Variants in EYA2 observed in about 807,000 individuals in gnomAD.
EYA2 encodes protein phosphatase EYA2.
A neutral mutation model predicts 69.2 loss-of-function variants in EYA2; 31 were observed. The ratio of observed to expected loss-of-function variants is 0.45; its 90% CI spans 0.34 to 0.60. EYA2 has a LOEUF of 0.60. Ranked by LOEUF, EYA2 falls within the 20% of genes least tolerant of loss-of-function variation. EYA2 has a pLI of 0.02. For synonymous variants in EYA2, 257 were observed against 279.4 expected, an observed-to-expected ratio of 0.92 and a Z score of 0.80; for missense variants, 622 against 701.2, an observed-to-expected ratio of 0.89 and a Z score of 1.28.
chr20:47,069,742 C>A (rs2031242195), intron 5 of EYA2, among the ~76,000 whole-genome samples: 1 of 151,892 alleles, frequency 6.6e-6, no homozygotes, highest in African/African-American at 2.4e-5. Flanking sequence ...CTACTGTGTA[C>A]CCACAAAAAT....
chr20:46,968,287 A>G (rs1331247335), intron 1 of EYA2, among the ~76,000 whole-genome samples: 1 of 152,176 alleles, frequency 6.6e-6, no homozygotes, highest in African/African-American at 2.4e-5. Context: ...TCATATCTGC[A>G]CCTTTTACTG....
intron 14 of EYA2, among the ~76,000 whole-genome samples, chr20:47,182,432 C>T (rs2034555079): frequency 6.7e-6 from 1 of 148,366 alleles, no homozygotes; most frequent in African/African-American, 2.5e-5. Context: ...AGTTCAAGAC[C>T]AGCCTGACCG....
At chr20:46,916,206 C>T (rs1984894607) in intron 1 of EYA2, among the ~76,000 whole-genome samples, 2 of 152,162 alleles carry the variant, frequency 1.3e-5, no homozygotes, top group African/African-American at 4.8e-5. Context: ...TTTTTTAAGG[C>T]AGCATTAAAC....
chr20:47,149,269 C>T (rs1236175860), intron 10 of EYA2, among the ~76,000 whole-genome samples: 1 of 151,910 alleles, frequency 6.6e-6, no homozygotes, highest in Non-Finnish European at 1.5e-5. Flanking sequence ...GCAAAGGTAC[C>T]TATAAACAAA....
At position 47,117,524 on chromosome 20, in the gene EYA2, G is replaced by C. The variant is rs80299451; in HGVS notation, c.888+20356G>C. On this transcript the variant is annotated intron_variant, in intron 9 of 15. Transcript: ENST00000327619. Reference sequence around the variant, plus strand: ...CCGATTCCTCCGCGGGTGTTATTACGTGATTCCGGCTTGGATTCCGGAATC... The same window carrying C: ...CCGATTCCTCCGCGGGTGTTATTACCTGATTCCGGCTTGGATTCCGGAATC... 26 of 985,328 alleles carry C rather than the reference G, an allele frequency of 2.6e-5. 1 individual carries two copies. In the East Asian group the frequency reaches 3.0e-3, roughly 112 times the overall value. 61.0% of individuals were successfully genotyped at this position (985,328 alleles called of 1,614,324 possible).
At chr20:47,002,297 C>G (rs1568716577) in intron 3 of EYA2, among the ~76,000 whole-genome samples, 1 of 152,084 alleles carries the variant, frequency 6.6e-6, no homozygotes. Flanking sequence ...ACCTGTCAAC[C>G]CATCACCTAG....
intron 1 of EYA2, among the ~76,000 whole-genome samples, chr20:46,923,710 GGA>G (rs139897049): frequency 5.9e-5 from 9 of 151,790 alleles, no homozygotes; most frequent in South Asian, 2.1e-4. Flanking sequence ...GTGTGTGTGT[GGA>G]GAGAGAGAGA....
intron 1 of EYA2, among the ~76,000 whole-genome samples, chr20:46,933,223 C>T (rs911615142): frequency 2.0e-5 from 3 of 152,314 alleles, no homozygotes; most frequent in Middle Eastern, 3.4e-3. Context: ...AAAAGGCAGA[C>T]TAGGTGCTTG....
At chr20:47,039,834 A>ATTT (rs1984938081) in intron 5 of EYA2, among the ~76,000 whole-genome samples, 3 of 34,732 alleles carry the variant, frequency 8.6e-5, no homozygotes, top group African/African-American at 1.9e-4. Context: ...AAGATCAAAT[A>ATTT]CTTTTTTTTT....
chr20:47,122,395 G>A (rs1399990163), intron 9 of EYA2, among the ~76,000 whole-genome samples: 1 of 145,944 alleles, frequency 6.9e-6, no homozygotes, highest in African/African-American at 2.6e-5. Context: ...CTGGGTTCAT[G>A]CCATTCTCCT....
chr20:47,029,416 G>A (rs978911305), intron 5 of EYA2, among the ~76,000 whole-genome samples: 1 of 152,254 alleles, frequency 6.6e-6, no homozygotes, highest in African/African-American at 2.4e-5. Flanking sequence ...TATTTTCAGG[G>A]CAGAAGACAG....
At chr20:47,054,334 A>G (rs755617994) in intron 5 of EYA2, among the ~76,000 whole-genome samples, 8 of 152,212 alleles carry the variant, frequency 5.3e-5, no homozygotes, top group African/African-American at 9.6e-5. Context: ...ACGCTAAGGA[A>G]ATAGATCACG....
chr20:47,150,242 G>T (rs1240544722), intron 10 of EYA2, among the ~76,000 whole-genome samples: 1 of 152,144 alleles, frequency 6.6e-6, no homozygotes, highest in Non-Finnish European at 1.5e-5. Context: ...CACTCCCCTT[G>T]CCATTACCTC....
At chr20:47,135,818 C>CGAAAAAAAAAAAAA (rs2033449844) in intron 9 of EYA2, among the ~76,000 whole-genome samples, 8 of 33,266 alleles carry the variant, frequency 2.4e-4, no homozygotes, top group Non-Finnish European at 4.4e-4. Flanking sequence ...CCTGTCTCTA[C>CGAAAAAAAAAAAAA]AAAAAAAAAA....
chr20:47,124,139 C>T (rs973227105), intron 9 of EYA2, among the ~76,000 whole-genome samples: 2 of 152,148 alleles, frequency 1.3e-5, no homozygotes, highest in Non-Finnish European at 2.9e-5. Context: ...GTGCTGATGA[C>T]AAGTGACAGT....
At chr20:46,922,734 T>C (rs944375141) in intron 1 of EYA2, among the ~76,000 whole-genome samples, 1 of 152,198 alleles carries the variant, frequency 6.6e-6, no homozygotes, top group African/African-American at 2.4e-5. Flanking sequence ...TCATCATCAA[T>C]AGATGCTGAA....
intron 9 of EYA2, among the ~76,000 whole-genome samples, chr20:47,099,037 G>GTAATCCC (rs1352669366): frequency 1.9e-4 from 29 of 152,214 alleles, no homozygotes; most frequent in Non-Finnish European, 1.3e-4. Flanking sequence ...CCAGGAAGTA[G>GTAATCCC]TGGGGAATTC....
intron 1 of EYA2, among the ~76,000 whole-genome samples, chr20:46,952,336 CAG>C (rs1978853832): frequency 1.3e-5 from 2 of 152,216 alleles, no homozygotes; most frequent in East Asian, 1.9e-4. Context: ...CTCCAGAAGT[CAG>C]GGGCGGGATC....
chr20:47,147,054 C>CT (rs57767869), intron 10 of EYA2, among the ~76,000 whole-genome samples: 39,453 of 112,876 alleles, frequency 0.35, 7,926 homozygotes, highest in East Asian at 0.45. Flanking sequence ...GCTCCTCTGA[C>CT]TTTTTTTTTT....
Sources: allele counts gnomAD v4.1 joint callset (sites outside exome capture counted in the v4.1 genomes callset), GRCh38; gene constraint gnomAD v4.1.1; transcripts MANE v1.5; gene names NCBI Gene and HGNC (gene_info 2026-07-23, HGNC 2026-07-21).